Variants in CCR5AS observed in about 807,000 individuals in gnomAD.
CCR5AS encodes CCR5 antisense RNA.
intron 2 of CCR5AS, among the ~76,000 whole-genome samples, chr3:46,379,411 T>C (rs536900817): frequency 6.6e-6 from 1 of 152,234 alleles, no homozygotes; most frequent in African/African-American, 2.4e-5. Flanking sequence ...TAAGAAAATG[T>C]GGCACATATA....
intron 3 of CCR5AS, among the ~76,000 whole-genome samples, chr3:46,368,646 A>C (rs41490645): frequency 0.096 from 14,593 of 152,242 alleles, 956 homozygotes; most frequent in Non-Finnish European, 0.14. Context: ...AGAATCATGT[A>C]GTATTTAGGG....
intron 3 of CCR5AS, among the ~76,000 whole-genome samples, chr3:46,370,415 G>A (rs1463684468): frequency 6.6e-6 from 1 of 152,068 alleles, no homozygotes; most frequent in Non-Finnish European, 1.5e-5. Context: ...GGTGGGATAG[G>A]GGATACGGGG....
intron 2 of CCR5AS, chr3:46,373,607 G>T (rs147615392): frequency 4.3e-6 from 7 of 1,613,918 alleles, no homozygotes; most frequent in Non-Finnish European, 5.9e-6. Flanking sequence ...GGGCTGTGAG[G>T]CTTATCTTCA....
At chr3:46,364,333 C>A (rs748957711), downstream of CCR5AS, among the ~76,000 whole-genome samples, 3 of 152,166 alleles carry the variant, frequency 2.0e-5, no homozygotes, top group African/African-American at 2.4e-5. Context: ...AAGAATTATG[C>A]GAAATCTACT....
At chr3:46,377,842 A>T (rs1377788796) in intron 2 of CCR5AS, among the ~76,000 whole-genome samples, 2 of 152,066 alleles carry the variant, frequency 1.3e-5, no homozygotes, top group African/African-American at 4.8e-5. Context: ...AGTAGCTGGG[A>T]CTACAGGCAT....
intron 2 of CCR5AS, among the ~76,000 whole-genome samples, chr3:46,377,083 T>C (rs1388317328): frequency 6.6e-6 from 1 of 152,162 alleles, no homozygotes; most frequent in East Asian, 1.9e-4. Context: ...ATCCATCCCA[T>C]AGGAGGAAGG....
chr3:46,372,452 C>T lies in CCR5AS; in HGVS notation n.392-1035G>A, dbSNP rs145371166. 4.5e-4 allele frequency among the ~76,000 whole-genome samples: 68 copies of T among 152,176 alleles called. No individual in the cohort carries two copies. The East Asian group carries it at 0.012, about 27-fold the overall frequency. ...GTGAGGTGAGAGGATTGCTTGAGCCCGGGATGGTCCAGGCTGCAGTGAGCC... is the reference window on the plus strand; with the variant it reads ...GTGAGGTGAGAGGATTGCTTGAGCCTGGGATGGTCCAGGCTGCAGTGAGCC... On this transcript the variant is annotated intron_variant and non_coding_transcript_variant, in intron 2 of 3. Coordinates refer to ENST00000451485, the Ensembl canonical transcript of CCR5AS.
At chr3:46,379,451 C>G (rs1415914009) in intron 2 of CCR5AS, among the ~76,000 whole-genome samples, 1 of 152,112 alleles carries the variant, frequency 6.6e-6, no homozygotes, top group African/African-American at 2.4e-5. Context: ...ATCATTCGCA[C>G]TCTCCTTTCT....
intron 1 of CCR5AS, among the ~76,000 whole-genome samples, chr3:46,393,738 G>A (rs71327061): frequency 0.31 from 47,906 of 152,124 alleles, 9,354 homozygotes; most frequent in African/African-American, 0.55. Context: ...AGAGTGACAC[G>A]TGCTCCAGAA....
Position 46,373,209 on chromosome 3 carries a change from C to G in CCR5AS, n.392-1792G>C. On this transcript the variant is annotated intron_variant and non_coding_transcript_variant, in intron 2 of 3. Transcript: ENST00000451485. ...GGACTTTGGAAATACAATGTGTCAACTCTTGACAGGGCTCTATTTTATAGG... is the reference window on the plus strand; with the variant it reads ...GGACTTTGGAAATACAATGTGTCAAGTCTTGACAGGGCTCTATTTTATAGG... 2 of 1,614,192 alleles carry G rather than the reference C, an allele frequency of 1.2e-6. 1 individual carries two copies. Among genetic ancestry groups the G allele is most frequent in the South Asian group, 2.2e-5 (2 of 91,088 alleles).
chr3:46,372,906 G>A (rs1165883785), intron 2 of CCR5AS: 10 of 1,579,238 alleles, frequency 6.3e-6, no homozygotes, highest in South Asian at 3.5e-5. Context: ...GAACAAGATG[G>A]ATTATCAAGT....
chr3:46,373,131 C>A, intron 2 of CCR5AS: 1 of 1,614,180 alleles, frequency 6.2e-7, no homozygotes, highest in Non-Finnish European at 8.5e-7. Context: ...CATCTCTGAC[C>A]TGTTTTTCCT....
intron 1 of CCR5AS, among the ~76,000 whole-genome samples, chr3:46,401,684 C>T (rs1702006973): frequency 6.6e-6 from 1 of 152,078 alleles, no homozygotes; most frequent in Non-Finnish European, 1.5e-5. Context: ...AGCTGGGCCC[C>T]TCAGTCAATT....
At chr3:46,391,934 T>A (rs1476959687) in intron 2 of CCR5AS, among the ~76,000 whole-genome samples, 2 of 152,002 alleles carry the variant, frequency 1.3e-5, no homozygotes, top group East Asian at 1.9e-4. Flanking sequence ...AGAGGAAAGA[T>A]TTGGGATGAG....
At chr3:46,373,360 G>A in intron 2 of CCR5AS, 2 of 1,614,166 alleles carry the variant, frequency 1.2e-6, no homozygotes, top group Non-Finnish European at 1.7e-6. Context: ...GTGATCACTT[G>A]GGTGGTGGCT....
At chr3:46,396,486 A>G (rs1475609247) in intron 1 of CCR5AS, among the ~76,000 whole-genome samples, 1 of 152,206 alleles carries the variant, frequency 6.6e-6, no homozygotes, top group Non-Finnish European at 1.5e-5. Context: ...TTCCACCTGT[A>G]CAGTGGATAC....
chr3:46,380,621 G>C (rs1701806951), intron 2 of CCR5AS, among the ~76,000 whole-genome samples: 1 of 152,206 alleles, frequency 6.6e-6, no homozygotes. Flanking sequence ...GGCATGTTTT[G>C]ATGGTGCTTC....
At chr3:46,383,324 T>C (rs1701831445) in intron 2 of CCR5AS, among the ~76,000 whole-genome samples, 1 of 152,170 alleles carries the variant, frequency 6.6e-6, no homozygotes, top group South Asian at 2.1e-4. Flanking sequence ...ACTCCATAGC[T>C]CAAAGCAAAC....
chr3:46,373,556 A>G (rs1463070751), intron 2 of CCR5AS: 5 of 1,613,800 alleles, frequency 3.1e-6, no homozygotes, highest in Non-Finnish European at 4.2e-6. Context: ...CGGGAATCCT[A>G]AAAACTCTGC....
Sources: gnomAD v4.1 joint callset for allele counts (sites outside exome capture counted in the v4.1 genomes callset) on GRCh38, gnomAD v4.1.1 for gene constraint, MANE v1.5 for transcripts, NCBI Gene and HGNC (gene_info 2026-07-23, HGNC 2026-07-21) for gene names.